Variants in ZNF302 observed in about 807,000 individuals in gnomAD.
ZNF302 encodes the protein zinc finger protein 302.
Under a neutral mutation model 10.8 loss-of-function variants are expected in ZNF302, and 12 were observed. The observed-to-expected ratio is 1.11, with a 90% confidence interval of 0.71 to 1.79. The LOEUF (loss-of-function observed/expected upper bound fraction) is 1.79. ZNF302 is among the 40% of genes most tolerant of loss of function. ZNF302 has a pLI of 0.00. For synonymous variants in ZNF302, 178 were observed against 157.5 expected, an observed-to-expected ratio of 1.13 and a Z score of -0.98; for missense variants, 461 against 471.1, an observed-to-expected ratio of 0.98 and a Z score of 0.20.
At chr19:34,680,296 A>G (rs1461040765) in intron 2 of ZNF302, among the ~76,000 whole-genome samples, 1 of 152,198 alleles carries the variant, frequency 6.6e-6, no homozygotes, top group Non-Finnish European at 1.5e-5. Flanking sequence ...TTTGGTGTAC[A>G]CTGACACACA....
chr19:34,683,294 G>A, intron 4 of ZNF302, 56 bp downstream of exon 4: 1 of 1,605,290 alleles, frequency 6.2e-7, no homozygotes, highest in Non-Finnish European at 8.5e-7. Flanking sequence ...TGTTAAAGAT[G>A]TTTATAGTGA....
At chr19:34,680,035 T>C (rs2068257083) in intron 2 of ZNF302, 2 of 671,586 alleles carry the variant, frequency 3.0e-6, no homozygotes, top group Non-Finnish European at 2.7e-6. Context: ...GAAAAACTGG[T>C]GTGGTAGTGC....
intron 2 of ZNF302, among the ~76,000 whole-genome samples, chr19:34,679,665 T>C (rs368586328): frequency 1.3e-5 from 2 of 152,240 alleles, no homozygotes; most frequent in Admixed American, 6.5e-5. Flanking sequence ...TATTTGCAAT[T>C]GCAGTCACCT....
intron 4 of ZNF302, 58 bp from the exon 5 acceptor site, chr19:34,684,194 A>AGGC: frequency 8.0e-7 from 1 of 1,244,146 alleles, no homozygotes; most frequent in Non-Finnish European, 1.0e-6. Flanking sequence ...AAAAAAAAAA[A>AGGC]AAAAAAAAAA....
At chr19:34,680,652 G>A (rs551029421) in intron 2 of ZNF302, among the ~76,000 whole-genome samples, 5 of 152,302 alleles carry the variant, frequency 3.3e-5, no homozygotes, top group African/African-American at 9.6e-5. Flanking sequence ...AAGCTGCCCA[G>A]GCAACTGAAG....
rs772748391 is a variant in ZNF302 at position 34,685,017 on chromosome 19, C to T, written c.980C>T (p.Ser327Phe). 25 of 1,613,464 alleles carry T rather than the reference C, an allele frequency of 1.5e-5. No individual in the cohort carries two copies. The highest frequency in any genetic ancestry group is 2.1e-5 in the Non-Finnish European group (25 of 1,179,790). ...GGAAAGGCCTTCATTCATAGTTCGT[C>T]TCTCATTCACCATCAGAAAAGCCAT... ...ICGKAFIHSS[S>F]LIHHQKSHTG... is the part of the protein sequence containing the mutation. Residue 327 changes from serine (S) to phenylalanine (F), a missense_variant, in exon 5 of 5, where the codon TCT becomes TTT. By Grantham distance (155) the Ser-to-Phe change is radical. Transcript: ENST00000505242.
In ZNF302 at chr19:34,684,933, T is replaced by C. The variant is rs372058056; in HGVS notation, c.896T>C (p.Leu299Pro). 3 of 1,613,892 alleles carry C rather than the reference T, an allele frequency of 1.9e-6. No homozygotes were observed. Among genetic ancestry groups the C allele is most frequent in the East Asian group, 4.5e-5 (2 of 44,894 alleles). ...GGAAAGTCTTTTAGTCGTGTGTCCC[T>C]TCTCATTCAGCATCTAAGAATTCAT... The part of the protein sequence containing the change: ...NCGKSFSRVS[L>P]LIQHLRIHTQ... The change falls in exon 5 of 5, where the codon CTT becomes CCT. Residue 299 changes from leucine to proline, a missense_variant. By Grantham distance (98) the Leu-to-Pro change is moderately conservative. Transcript: ENST00000505242.
At position 34,684,534 on chromosome 19, in the gene ZNF302, GAATA is replaced by G. The variant is rs1481252901; in HGVS notation, c.501_504del (p.Ile167MetfsTer7). 2 of 1,613,364 alleles carry G rather than the reference GAATA, an allele frequency of 1.2e-6. No individual in the cohort carries two copies. Among genetic ancestry groups the G allele is most frequent in the East Asian group, 4.5e-5 (2 of 44,878 alleles). On this transcript the variant is annotated frameshift_variant, in exon 5 of 5. Coordinates refer to ENST00000505242, the MANE Select transcript of ZNF302 (RefSeq NM_001289187.2). LOFTEE classifies it low-confidence loss of function (END_TRUNC). ...AAAAAGTCAGTTATAAAAAGTGAGAGAATAAATGGTGGAAAGAAACTTTTAAATT... is the reference window on the plus strand; with the variant it reads ...AAAAAGTCAGTTATAAAAAGTGAGAGAATGGTGGAAAGAAACTTTTAAATT...
chr19:34,681,306 A>C (rs544076219), intron 2 of ZNF302: 48 of 152,382 alleles, frequency 3.1e-4, no homozygotes, highest in African/African-American at 1.1e-3. Context: ...TTAAACTTCT[A>C]AAGTTTTACT....
At chr19:34,679,818 A>G in intron 2 of ZNF302, 1 of 699,468 alleles carries the variant, frequency 1.4e-6, no homozygotes, top group Non-Finnish European at 2.6e-6. Context: ...TTCTTTGTTG[A>G]CTGTTATAGC....
At chr19:34,683,034 C>T in intron 3 of ZNF302, 121 bp from the exon 4 acceptor site, 1 of 1,569,672 alleles carries the variant, frequency 6.4e-7, no homozygotes, top group African/African-American at 1.4e-5. Context: ...TTGTGCCCTG[C>T]CTAAAGCTTA....
intron 2 of ZNF302, 45 bp downstream of exon 2, chr19:34,678,858 C>G: frequency 1.2e-6 from 2 of 1,612,280 alleles, no homozygotes; most frequent in Non-Finnish European, 1.7e-6. Flanking sequence ...CTTTATTAGG[C>G]CTCTGTGTGT....
intron 2 of ZNF302, among the ~76,000 whole-genome samples, chr19:34,680,945 G>A (rs1378855310): frequency 6.6e-6 from 1 of 152,152 alleles, no homozygotes; most frequent in East Asian, 1.9e-4. Flanking sequence ...CGCTTGTGAA[G>A]TGCATCAAGG....
intron 2 of ZNF302, 77 bp from the exon 3 acceptor site, chr19:34,682,700 C>G: frequency 6.3e-7 from 1 of 1,583,418 alleles, no homozygotes; most frequent in Non-Finnish European, 8.5e-7. Flanking sequence ...CTTCCACAAG[C>G]AGGCTAATTT....
rs752727359 is a variant in ZNF302 at position 34,684,392 on chromosome 19, A to G, written c.355A>G (p.Thr119Ala). Residue 119 changes from threonine (T) to alanine (A), a missense_variant, in exon 5 of 5, where the codon ACA becomes GCA. Transcript: ENST00000505242. ...AAATTCTAATAAGAATTTGGAATAT[A>G]CAGAATGCGACACATTTAGAAGCAC... ...FSNSNKNLEY[T>A]ECDTFRSTFH... 15 of 1,610,186 alleles carry G rather than the reference A, an allele frequency of 9.3e-6. No homozygotes were observed. In the South Asian group the frequency reaches 1.7e-4, roughly 18 times the overall value.
At position 34,684,846 on chromosome 19, in the gene ZNF302, C is replaced by T. The variant is rs374360236; in HGVS notation, c.809C>T (p.Ser270Leu). The T allele has an allele frequency of 3.1e-4, 500 of 1,613,812 alleles. 5 individuals are homozygous for T. In the South Asian group the frequency reaches 5.0e-3, roughly 16 times the overall value. The change falls in exon 5 of 5, where the codon TCA becomes TTA. Residue 270 changes from serine to leucine, a missense_variant. Coordinates refer to ENST00000505242, the MANE Select transcript of ZNF302 (RefSeq NM_001289187.2). The stretch of plus-strand genomic sequence containing the variant: ...TGTGGGAAGGCCTTTAGCCATGGCT[C>T]ATCACTTACTAACCATCAGAGCACT... ...IECGKAFSHGSSLTNHQSTHT... is the reference protein window; with the variant it reads ...IECGKAFSHGLSLTNHQSTHT...
chr19:34,682,735 G>C (rs770813600), intron 2 of ZNF302, 42 bp from the exon 3 acceptor site: 34 of 1,611,144 alleles, frequency 2.1e-5, no homozygotes, highest in Admixed American at 1.3e-4. Flanking sequence ...TGACAGAAGA[G>C]GCCTGGGCTA....
At position 34,685,128 on chromosome 19, in the gene ZNF302, G is replaced by A. The variant is rs765204653; in HGVS notation, c.1091G>A (p.Ser364Asn). The A allele has an allele frequency of 3.1e-6, 5 of 1,611,210 alleles. No individual in the cohort carries two copies. Among genetic ancestry groups the A allele is most frequent in the Non-Finnish European group, 4.2e-6 (5 of 1,179,234 alleles). The change falls in exon 5 of 5, where the codon AGT (serine) becomes AAT (asparagine). Residue 364 changes from serine (S) to asparagine (N), a missense_variant. Transcript: ENST00000505242. ...SHLTQHQRIH[S>N]MKKKYECNKC... ...CTTACTCAACATCAAAGAATTCACAGTATGAAGAAAAAATATGAATGCAAC... is the reference window on the plus strand; with the variant it reads ...CTTACTCAACATCAAAGAATTCACAATATGAAGAAAAAATATGAATGCAAC...
upstream of ZNF302, chr19:34,676,223 T>A (rs2067941584): frequency 1.3e-5 from 2 of 152,244 alleles, no homozygotes; most frequent in Admixed American, 1.3e-4. Context: ...TTGGTGTATT[T>A]ACAATCCTTC....
Sources: allele counts gnomAD v4.1 joint callset (sites outside exome capture counted in the v4.1 genomes callset), GRCh38; gene constraint gnomAD v4.1.1; transcripts MANE v1.5; gene names NCBI Gene and HGNC (gene_info 2026-07-23, HGNC 2026-07-21).